PLCG2: variants seen among roughly 807,000 people sequenced by gnomAD.
The protein encoded by PLCG2 is 1-phosphatidylinositol 4,5-bisphosphate phosphodiesterase gamma-2.
Under a neutral mutation model 175.6 loss-of-function variants are expected in PLCG2, and 69 were observed. That is an observed-to-expected ratio of 0.39 (90% CI 0.32 to 0.48). The LOEUF (loss-of-function observed/expected upper bound fraction) is 0.48, where lower values mean the gene tolerates loss of function less well. PLCG2 is among the 20% of genes least tolerant of loss of function. The pLI is 0.91. For missense variants in PLCG2, 1,798 were observed against 1,650.9 expected (o/e 1.09, Z -1.54); for synonymous variants, 827 against 624.0 (o/e 1.33, Z -4.85).
At chr16:81,784,971 A>G (rs925127515) in intron 1 of PLCG2, among the ~76,000 whole-genome samples, 3 of 152,150 alleles carry the variant, frequency 2.0e-5, no homozygotes, top group African/African-American at 7.2e-5. Flanking sequence ...TTTTGAGCAG[A>G]GGAGTGACAT....
At chr16:81,794,474 G>T (rs1018594384) in intron 2 of PLCG2, among the ~76,000 whole-genome samples, 2 of 152,134 alleles carry the variant, frequency 1.3e-5, no homozygotes, top group South Asian at 2.1e-4. Flanking sequence ...TGCCTGAAGT[G>T]TCCATAAATG....
At chr16:81,850,203 G>A (rs1365458496) in intron 2 of PLCG2, among the ~76,000 whole-genome samples, 1 of 152,154 alleles carries the variant, frequency 6.6e-6, no homozygotes, top group African/African-American at 2.4e-5. Context: ...GAGGTGTTAG[G>A]TTATGTTATG....
At chr16:81,797,348 A>G (rs956784960) in intron 2 of PLCG2, among the ~76,000 whole-genome samples, 1 of 152,084 alleles carries the variant, frequency 6.6e-6, no homozygotes, top group African/African-American at 2.4e-5. Context: ...GGGTTTTTGT[A>G]TATCAGGCTC....
At chr16:81,870,817 C>T in intron 6 of PLCG2, 35 bp from the exon 7 acceptor site, 3 of 1,223,446 alleles carry the variant, frequency 2.5e-6, no homozygotes, top group East Asian at 2.4e-5. Context: ...CGGTGGACAT[C>T]AAAAATCATG....
At chr16:81,769,908 C>G (rs1177252683) in intron 2 of PLCG2, among the ~76,000 whole-genome samples, 1 of 151,300 alleles carries the variant, frequency 6.6e-6, no homozygotes, top group Admixed American at 6.6e-5. Flanking sequence ...ACCTGCCGGT[C>G]GCTTAATGCC....
intron 2 of PLCG2, among the ~76,000 whole-genome samples, chr16:81,805,612 T>A (rs1911968557): frequency 6.6e-6 from 1 of 150,834 alleles, no homozygotes; most frequent in Admixed American, 6.6e-5. Flanking sequence ...TCTGAACAGA[T>A]GCCTCACACC....
At chr16:81,778,569 C>T (rs550386012), upstream of PLCG2, among the ~76,000 whole-genome samples, 10 of 152,280 alleles carry the variant, frequency 6.6e-5, no homozygotes, top group East Asian at 1.5e-3. Context: ...AGCTTCTTCC[C>T]ATGAGATCAG....
intron 9 of PLCG2, among the ~76,000 whole-genome samples, chr16:81,885,213 G>A (rs1022549919): frequency 1.3e-5 from 2 of 152,114 alleles, no homozygotes; most frequent in African/African-American, 2.4e-5. Flanking sequence ...TAATAGAGTC[G>A]GGGTTTCACA....
chr16:81,872,903 A>C (rs944911096), intron 7 of PLCG2, among the ~76,000 whole-genome samples: 5 of 152,264 alleles, frequency 3.3e-5, no homozygotes, highest in African/African-American at 1.2e-4. Flanking sequence ...TGCTTTCTGC[A>C]TGCAGAGCTG....
intron 15 of PLCG2, among the ~76,000 whole-genome samples, 174 bp downstream of exon 15, chr16:81,905,681 C>G (rs987136373): frequency 3.3e-5 from 5 of 152,174 alleles, no homozygotes; most frequent in Admixed American, 3.3e-4. Flanking sequence ...TGTTGTGGGA[C>G]AGGGTCTCAC....
intron 2 of PLCG2, among the ~76,000 whole-genome samples, chr16:81,851,459 A>G (rs1032664366): frequency 4.6e-5 from 7 of 152,182 alleles, no homozygotes; most frequent in African/African-American, 1.7e-4. Context: ...CCGTACATGC[A>G]CAGGATGTAG....
At chr16:81,942,974 C>T (rs1186090876) in intron 30 of PLCG2, among the ~76,000 whole-genome samples, 1 of 151,772 alleles carries the variant, frequency 6.6e-6, no homozygotes, top group African/African-American at 2.4e-5. Flanking sequence ...GGGACTTGGG[C>T]AGCGAGAGAA....
intron 2 of PLCG2, among the ~76,000 whole-genome samples, chr16:81,773,238 A>G (rs1567455727): frequency 6.6e-6 from 1 of 152,124 alleles, no homozygotes; most frequent in Non-Finnish European, 1.5e-5. Context: ...GGAGTGGCAG[A>G]TGTGGAAATA....
chr16:81,912,840 C>G, intron 19 of PLCG2, 124 bp downstream of exon 19: 1 of 1,195,286 alleles, frequency 8.4e-7, no homozygotes. Flanking sequence ...GCATCAGCGA[C>G]AACAACAACC....
chr16:81,951,281 A>G (rs964534894), intron 31 of PLCG2, among the ~76,000 whole-genome samples: 9 of 152,070 alleles, frequency 5.9e-5, no homozygotes, highest in African/African-American at 2.2e-4. Context: ...GACCAGTTAA[A>G]CTCTTTGCCT....
At chr16:81,766,022 TG>T (rs759182539) in intron 2 of PLCG2, among the ~76,000 whole-genome samples, 121 of 152,372 alleles carry the variant, frequency 7.9e-4, no homozygotes, top group Non-Finnish European at 1.1e-3. Context: ...TTTTACTTTT[TG>T]TTTTTTAACT....
chr16:81,875,734 T>TA (rs1248459340), intron 7 of PLCG2, among the ~76,000 whole-genome samples: 2 of 152,186 alleles, frequency 1.3e-5, no homozygotes, highest in African/African-American at 4.8e-5. Flanking sequence ...ACAGCATTCT[T>TA]ACATAAAAAT....
At chr16:81,957,498 C>T (rs1228206889) in intron 32 of PLCG2, among the ~76,000 whole-genome samples, 1 of 152,112 alleles carries the variant, frequency 6.6e-6, no homozygotes, top group Non-Finnish European at 1.5e-5. Flanking sequence ...TATTGTGTTT[C>T]CAAGAATGGG....
intron 1 of PLCG2, among the ~76,000 whole-genome samples, chr16:81,784,130 C>G (rs889438100): frequency 5.3e-5 from 8 of 152,194 alleles, no homozygotes; most frequent in African/African-American, 1.9e-4. Flanking sequence ...TAATTATCTC[C>G]TGCTGCTGGC....
Sources: gnomAD v4.1 joint callset for allele counts (sites outside exome capture counted in the v4.1 genomes callset) on GRCh38, gnomAD v4.1.1 for gene constraint, MANE v1.5 for transcripts, NCBI Gene and HGNC (gene_info 2026-07-23, HGNC 2026-07-21) for gene names.